ZC3H12D: variants seen among roughly 807,000 people sequenced by gnomAD.
The protein encoded by ZC3H12D is zinc finger CCCH-type containing 12D, also known as probable ribonuclease ZC3H12D.
A neutral mutation model predicts 24.2 loss-of-function variants in ZC3H12D; 11 were observed. The observed-to-expected ratio is 0.46, with a 90% CI of 0.29 to 0.75. The LOEUF is 0.75. ZC3H12D is among the 30% of genes least tolerant of loss of function. The pLI, the probability that ZC3H12D is intolerant of heterozygous loss-of-function variation, is 0.11. For missense variants in ZC3H12D, 740 were observed against 767.7 expected (o/e 0.96, Z 0.43); for synonymous variants, 333 against 341.8 (o/e 0.97, Z 0.28).
chr6:149,457,514 C>CTCCA (rs1776003279), intron 3 of ZC3H12D, among the ~76,000 whole-genome samples: 1 of 152,206 alleles, frequency 6.6e-6, no homozygotes, highest in Admixed American at 6.5e-5. Context: ...CTGGGCCGGG[C>CTCCA]TCCAGTTCCT....
At chr6:149,470,500 A>C (rs1776227559) in intron 2 of ZC3H12D, among the ~76,000 whole-genome samples, 1 of 151,952 alleles carries the variant, frequency 6.6e-6, no homozygotes, top group Non-Finnish European at 1.5e-5. Context: ...GGACCAATGC[A>C]CTCTAGCCTG....
At chr6:149,462,048 C>A in intron 2 of ZC3H12D, 78 bp from the exon 3 acceptor site, 1 of 1,503,222 alleles carries the variant, frequency 6.7e-7, no homozygotes, top group Non-Finnish European at 8.9e-7. Flanking sequence ...TATCCTGGAT[C>A]ACAGTCTCAT....
chr6:149,471,600 A>C (rs1463393988), intron 2 of ZC3H12D, among the ~76,000 whole-genome samples: 5 of 152,268 alleles, frequency 3.3e-5, no homozygotes, highest in Non-Finnish European at 7.3e-5. Flanking sequence ...TTTCCCCCAG[A>C]GAAACACATA....
chr6:149,475,413 T>G (rs556046888), intron 1 of ZC3H12D, among the ~76,000 whole-genome samples: 1 of 152,296 alleles, frequency 6.6e-6, no homozygotes, highest in African/African-American at 2.4e-5. Context: ...ACACTGAACC[T>G]CTGCAATAGA....
At chr6:149,476,250 T>G (rs762631101) in intron 1 of ZC3H12D, among the ~76,000 whole-genome samples, 1 of 152,232 alleles carries the variant, frequency 6.6e-6, no homozygotes, top group Non-Finnish European at 1.5e-5. Context: ...CTCATGCCCG[T>G]AATTCCAGGA....
At chr6:149,470,849 G>A (rs761713158) in intron 2 of ZC3H12D, among the ~76,000 whole-genome samples, 10 of 152,252 alleles carry the variant, frequency 6.6e-5, no homozygotes, top group South Asian at 2.1e-4. Flanking sequence ...GTGCTCGAAC[G>A]TCACACGTGG....
At chr6:149,483,289 G>A (rs905338678) in intron 1 of ZC3H12D, 1 of 152,036 alleles carries the variant, frequency 6.6e-6, no homozygotes, top group African/African-American at 2.4e-5. Context: ...TTTTTTTTAA[G>A]GGAATTTGTA....
chr6:149,466,876 A>AAAAATAAAATAAAATAAAATAAAAT (rs149349012), intron 2 of ZC3H12D, among the ~76,000 whole-genome samples: 13 of 142,974 alleles, frequency 9.1e-5, no homozygotes, highest in African/African-American at 1.3e-4. Context: ...ACTCCATCTC[A>AAAAATAAAATAAAATAAAATAAAAT]AAAATAAAAT....
chr6:149,462,394 A>C (rs1399097118), intron 2 of ZC3H12D, among the ~76,000 whole-genome samples: 1 of 112,970 alleles, frequency 8.9e-6, no homozygotes, highest in Non-Finnish European at 1.9e-5. Context: ...AAAACAAAAC[A>C]AAAAAAAACC....
rs1018349544 is a variant in ZC3H12D at position 149,451,183 on chromosome 6, G to A, written c.1084C>T (p.Leu362Phe). Reference sequence around the variant, plus strand: ...GTGAGGCTGCAGGCGGGGACCGGGAGAGGCGGCCCCAGGGGCCCCAGGTCG... The same window carrying A: ...GTGAGGCTGCAGGCGGGGACCGGGAAAGGCGGCCCCAGGGGCCCCAGGTCG... ...SDDLGPLGPP[L>F]PVPACSLTPR... Residue 362 changes from leucine (L) to phenylalanine (F), a missense_variant, in exon 6 of 6, where the codon CTC (leucine) becomes TTC (phenylalanine). Leu to Phe is a conservative substitution (Grantham distance 22). Transcript: ENST00000409806. 9 of 1,312,574 alleles carry A rather than the reference G, an allele frequency of 6.9e-6. No homozygotes were observed. The African/African-American group carries it at 9.3e-5, about 14-fold the overall frequency. 81.3% of individuals were successfully genotyped at this position (1,312,574 alleles called of 1,614,324 possible).
At chr6:149,459,778 G>C in intron 3 of ZC3H12D, 1 of 708,080 alleles carries the variant, frequency 1.4e-6, no homozygotes, top group Non-Finnish European at 2.6e-6. Flanking sequence ...ATTGGAATAA[G>C]TGGTGGGCAG....
chr6:149,464,666 T>C (rs448420), intron 2 of ZC3H12D, among the ~76,000 whole-genome samples: 98,325 of 152,062 alleles, frequency 0.65, 34,187 homozygotes, highest in African/African-American at 0.9. Context: ...CAGCATCGTG[T>C]CTAATAATTG....
Position 149,450,643 on chromosome 6 carries a change from G to A in ZC3H12D, c.*40C>T. 1.4e-6 allele frequency: 2 copies of A among 1,468,568 alleles called. No individual in the cohort carries two copies. The highest frequency in any genetic ancestry group is 1.8e-6 in the Non-Finnish European group (2 of 1,106,672). 91.0% of individuals were successfully genotyped at this position (1,468,568 alleles called of 1,614,324 possible). ...ACAGGTCCACCCGTCCAAGACGCAA[G>A]GCGAGGCTGGGCCATTCCCTGCAAG... On this transcript the variant is annotated 3_prime_UTR_variant, in exon 6 of 6. Coordinates refer to ENST00000409806, the MANE Select transcript of ZC3H12D (RefSeq NM_207360.3).
intron 2 of ZC3H12D, among the ~76,000 whole-genome samples, chr6:149,463,596 C>G (rs1240948073): frequency 1.3e-5 from 2 of 152,216 alleles, no homozygotes; most frequent in East Asian, 3.9e-4. Context: ...ATAATCCCAG[C>G]TACTCAGGGG....
chr6:149,473,899 A>G (rs1055737606), intron 2 of ZC3H12D, among the ~76,000 whole-genome samples: 1 of 151,978 alleles, frequency 6.6e-6, no homozygotes, highest in African/African-American at 2.4e-5. Flanking sequence ...CTCCCTCATT[A>G]CCACACCTTC....
At position 149,450,455 on chromosome 6, in the gene ZC3H12D, G is replaced by T; in HGVS notation, c.*228C>A. ...CACATGGAAAATCATTCCCTCCACG[G>T]AAGTGGGTGGACCTCCCCGCAGCAG... On this transcript the variant is annotated 3_prime_UTR_variant, in exon 6 of 6. Transcript: ENST00000409806. 1 of 517,014 alleles carries T rather than the reference G, an allele frequency of 1.9e-6. No individual in the cohort carries two copies. The highest frequency in any genetic ancestry group is 3.6e-5 in the Admixed American group (1 of 27,986). 32.0% of individuals were successfully genotyped at this position (517,014 alleles called of 1,614,324 possible).
In ZC3H12D at chr6:149,451,183, G is replaced by T; in HGVS notation, c.1084C>A (p.Leu362Ile). ...GTGAGGCTGCAGGCGGGGACCGGGA[G>T]AGGCGGCCCCAGGGGCCCCAGGTCG... ...SDDLGPLGPP[L>I]PVPACSLTPR... Residue 362 changes from leucine (L) to isoleucine (I), a missense_variant, in exon 6 of 6, where the codon CTC (leucine) becomes ATC (isoleucine). Coordinates refer to ENST00000409806, the MANE Select transcript of ZC3H12D (RefSeq NM_207360.3). 2.3e-6 allele frequency: 3 copies of T among 1,312,682 alleles called. No individual in the cohort carries two copies. Among genetic ancestry groups the T allele is most frequent in the Non-Finnish European group, 2.9e-6 (3 of 1,036,816 alleles). The allele number at this position is 1,312,682 out of a possible 1,614,324, so 81.3% of individuals were successfully genotyped here. A position where few individuals can be genotyped will look rare whatever the true frequency, so the allele number is the denominator to read the frequency against.
chr6:149,462,278 G>C (rs948939093), intron 2 of ZC3H12D, among the ~76,000 whole-genome samples: 2 of 152,114 alleles, frequency 1.3e-5, no homozygotes, highest in Admixed American at 1.3e-4. Context: ...GGAGGCTGGG[G>C]CAGGAAAATC....
At chr6:149,484,238 T>C (rs1038468000) in intron 1 of ZC3H12D, among the ~76,000 whole-genome samples, 4 of 152,190 alleles carry the variant, frequency 2.6e-5, no homozygotes, top group Admixed American at 2.6e-4. Context: ...AGGGAATTTG[T>C]CTTCACTGCA....
Sources: allele counts gnomAD v4.1 joint callset (sites outside exome capture counted in the v4.1 genomes callset), GRCh38; gene constraint gnomAD v4.1.1; transcripts MANE v1.5; gene names NCBI Gene and HGNC (gene_info 2026-07-23, HGNC 2026-07-21).